Variants in DAPK2 observed in about 807,000 individuals in gnomAD.
DAPK2 encodes death associated protein kinase 2.
In DAPK2, 35 loss-of-function variants were observed where a neutral mutation model predicts 44.1. The ratio of observed to expected loss-of-function variants is 0.79; its 90% CI spans 0.61 to 1.05. The LOEUF (loss-of-function observed/expected upper bound fraction) is 1.05, where lower values mean the gene tolerates loss of function less well. DAPK2 is among the 50% of genes least tolerant of loss of function. The pLI is 0.00. For synonymous variants in DAPK2, 174 were observed against 182.6 expected (o/e 0.95, Z 0.38); for missense variants, 453 against 483.2 (o/e 0.94, Z 0.59).
chr15:64,032,059 G>C (rs1249680434), intron 1 of DAPK2, among the ~76,000 whole-genome samples: 1 of 152,156 alleles, frequency 6.6e-6, no homozygotes. Context: ...TAGGTGTTAA[G>C]CACTTATCAA....
chr15:63,938,674 C>T (rs2077226892), intron 4 of DAPK2, among the ~76,000 whole-genome samples: 1 of 152,194 alleles, frequency 6.6e-6, no homozygotes, highest in Non-Finnish European at 1.5e-5. Context: ...AAGGAGGCTT[C>T]TGGGGTACAG....
chr15:63,913,490 AG>A (rs1468677353), intron 8 of DAPK2, among the ~76,000 whole-genome samples: 1 of 152,194 alleles, frequency 6.6e-6, no homozygotes, highest in Non-Finnish European at 1.5e-5. Flanking sequence ...ATGATTCCAA[AG>A]GTCCCGGGCA....
intron 1 of DAPK2, chr15:63,991,361 G>A (rs954375619): frequency 6.1e-5 from 28 of 455,854 alleles, no homozygotes; most frequent in Non-Finnish European, 1.1e-4. Flanking sequence ...CCTGCAAACA[G>A]AAGAGGGCAC....
rs754474698 is a variant in DAPK2 at position 63,929,585 on chromosome 15, A to G, written c.633-8T>C. 4 of 1,614,084 alleles carry G rather than the reference A, an allele frequency of 2.5e-6. No individual in the cohort carries two copies. The highest frequency in any genetic ancestry group is 3.4e-6 in the Non-Finnish European group (4 of 1,179,990). Reference sequence around the variant, plus strand: ...GTGATGACGCCTATGCTCCTGCAAAATAAAGAACAGTCAAGTCAGGGCCAC... The same window carrying G: ...GTGATGACGCCTATGCTCCTGCAAAGTAAAGAACAGTCAAGTCAGGGCCAC... On this transcript the variant is annotated splice_region_variant and splice_polypyrimidine_tract_variant and intron_variant, in intron 5 of 10. Coordinates refer to ENST00000261891, the Ensembl canonical transcript of DAPK2.
intron 1 of DAPK2, among the ~76,000 whole-genome samples, chr15:64,017,187 G>C (rs1246064320): frequency 1.3e-5 from 2 of 152,108 alleles, no homozygotes; most frequent in Non-Finnish European, 2.9e-5. Flanking sequence ...CAGTCCCCTA[G>C]GTACCTTCAG....
At chr15:63,909,377 A>G (rs1414695652) in intron 10 of DAPK2, 1 of 151,048 alleles carries the variant, frequency 6.6e-6, no homozygotes, top group African/African-American at 2.4e-5. Flanking sequence ...GGAAAACTGC[A>G]TAACAGATAT....
rs2079199734 is a variant in DAPK2, at chr15:63,925,011, A to G, written c.813-150T>C. 23 of 819,240 alleles carry G rather than the reference A, an allele frequency of 2.8e-5. No homozygotes were observed. The East Asian group carries it at 6.2e-4, about 22-fold the overall frequency. 50.7% of individuals were successfully genotyped at this position (819,240 alleles called of 1,614,324 possible). A position where few individuals can be genotyped will look rare whatever the true frequency, so the allele number is the denominator to read the frequency against. The stretch of plus-strand genomic sequence containing the variant: ...AATGGAGGATGCAGAGATGGATGGG[A>G]GCTGGCTGCAAATCCTGCACTCCAG... On this transcript the variant is annotated intron_variant, in intron 7 of 10. Coordinates refer to ENST00000261891, the Ensembl canonical transcript of DAPK2.
chr15:63,999,669 G>A (rs1392793437), intron 1 of DAPK2, among the ~76,000 whole-genome samples: 1 of 152,078 alleles, frequency 6.6e-6, no homozygotes, highest in Non-Finnish European at 1.5e-5. Context: ...ATGCAAACAA[G>A]AGTCCCCTGC....
intron 6 of DAPK2, 111 bp downstream of exon 7, chr15:63,929,440 G>T: frequency 7.2e-7 from 1 of 1,396,532 alleles, no homozygotes; most frequent in Middle Eastern, 1.8e-4. Flanking sequence ...AACACATCTG[G>T]ATTATGGTGG....
At chr15:63,969,075 C>T (rs1042723150) in intron 3 of DAPK2, among the ~76,000 whole-genome samples, 3 of 152,138 alleles carry the variant, frequency 2.0e-5, no homozygotes, top group African/African-American at 7.2e-5. Flanking sequence ...CCATTTTTAC[C>T]CTGTGACGCC....
In DAPK2 at chr15:63,990,616, A is replaced by G. The variant is rs71394535; in HGVS notation, c.93-6862T>C. ...CAAGATGCCACCAGAGGTGAGAGGT[A>G]CCAAATGGGAAGTGTTCCAAAGCAG... is the stretch of plus-strand genomic sequence containing the variant. On this transcript the variant is annotated intron_variant, in intron 1 of 10. Transcript: ENST00000261891. The surrounding 1 kb of genome is among the most constrained non-coding windows in gnomAD (Gnocchi z 4.3). Among the ~76,000 whole-genome samples, 7,966 of 152,156 alleles carry G rather than the reference A, an allele frequency of 0.052. 321 individuals are homozygous for G. Among genetic ancestry groups the G allele is most frequent in the Admixed American group, 0.12 (1,887 of 15,292 alleles).
Position 63,923,095 on chromosome 15 carries a change from C to G in DAPK2, c.858+1721G>C, listed in dbSNP as rs1350012552. ...TCTCCTCTCGGTACCAAGCTTCCTT[C>G]TCATTGAAGATGGAGACCAGGGCCT... is the stretch of plus-strand genomic sequence containing the variant. On this transcript the variant is annotated intron_variant, in intron 8 of 10. Transcript: ENST00000261891. The surrounding 1 kb of genome is among the most constrained non-coding windows in gnomAD (Gnocchi z 4.2). 8 of 1,535,920 alleles carry G rather than the reference C, an allele frequency of 5.2e-6. No individual in the cohort carries two copies. The highest frequency in any genetic ancestry group is 7.0e-6 in the Non-Finnish European group (8 of 1,146,744).
At chr15:64,032,771 C>A (rs558130178) in intron 1 of DAPK2, among the ~76,000 whole-genome samples, 3 of 151,602 alleles carry the variant, frequency 2.0e-5, no homozygotes, top group Admixed American at 6.6e-5. Flanking sequence ...GGTAACATGG[C>A]GAAACCCTGT....
At chr15:63,938,397 C>G (rs970698325) in intron 4 of DAPK2, among the ~76,000 whole-genome samples, 1 of 152,248 alleles carries the variant, frequency 6.6e-6, no homozygotes, top group East Asian at 1.9e-4. Flanking sequence ...GCTTCCTGCC[C>G]TGGGATCTGT....
At chr15:63,986,505 G>T (rs1423675677) in intron 1 of DAPK2, among the ~76,000 whole-genome samples, 2 of 152,126 alleles carry the variant, frequency 1.3e-5, no homozygotes, top group East Asian at 3.8e-4. Context: ...ACTCACTGCA[G>T]CCTCAAACTC....
rs1430224925 is a variant in DAPK2, at chr15:63,912,983, T to C, written c.859-786A>G. ...AGGGGTTCTGTGAACAAAATGTGCC[T>C]ATATATCCATACAAAGGAATATTAG... is the stretch of plus-strand genomic sequence containing the variant. On this transcript the variant is annotated intron_variant, in intron 8 of 10. Coordinates refer to ENST00000261891, the Ensembl canonical transcript of DAPK2. The surrounding 1 kb of genome is among the most constrained non-coding windows in gnomAD (Gnocchi z 4.4). 6.6e-6 allele frequency among the ~76,000 whole-genome samples: 1 copy of C among 152,208 alleles called. No individual in the cohort carries two copies. The highest frequency in any genetic ancestry group is 1.9e-4 in the East Asian group (1 of 5,202).
rs2079652790 is a variant in DAPK2, at chr15:64,020,529, G to A, written c.92+19641C>T. On this transcript the variant is annotated intron_variant, in intron 1 of 10. Coordinates refer to ENST00000261891, the Ensembl canonical transcript of DAPK2. This position sits in a 1 kb window ranked among gnomAD's most constrained non-coding sequence, Gnocchi z 4.5. ...TATCACATATTTTTATTAAGCACCA[G>A]CTATGGAAAGGTATCGCTTGCTTCA... is the stretch of plus-strand genomic sequence containing the variant. Among the ~76,000 whole-genome samples, 1 of 152,104 alleles carries A rather than the reference G, an allele frequency of 6.6e-6. No individual in the cohort carries two copies.
At chr15:64,033,326 A>AAGGAAGGAAGGAAGGAAGGAAGGAAGG (rs150809859) in intron 1 of DAPK2, among the ~76,000 whole-genome samples, 11 of 131,470 alleles carry the variant, frequency 8.4e-5, no homozygotes, top group South Asian at 3.3e-4. Flanking sequence ...GGAAGGAAGG[A>AAGGAAGGAAGGAAGGAAGGAAGGAAGG]AAAAAAAAAT....
chr15:64,005,006 G>A (rs2079188156), intron 1 of DAPK2, among the ~76,000 whole-genome samples: 1 of 152,176 alleles, frequency 6.6e-6, no homozygotes, highest in Non-Finnish European at 1.5e-5. Context: ...TAGCACTTAA[G>A]TAAGGATGAA....
Sources: gnomAD v4.1 joint callset for allele counts (sites outside exome capture counted in the v4.1 genomes callset) on GRCh38, gnomAD v4.1.1 for gene constraint, Gnocchi (gnomAD v3.1) non-coding constraint, MANE v1.5 for transcripts, NCBI Gene and HGNC (gene_info 2026-07-23, HGNC 2026-07-21) for gene names.